Variants in DLGAP2 observed in about 807,000 individuals in gnomAD.
DLGAP2 encodes the protein DLG associated protein 2.
DLGAP2 carries 26 observed loss-of-function variants against 100.3 expected under a neutral mutation model. That is an observed-to-expected ratio of 0.26 (90% CI 0.19 to 0.36). The LOEUF (loss-of-function observed/expected upper bound fraction) is 0.36. Among genes scored for constraint, DLGAP2 ranks in the 10% least tolerant of loss-of-function variants. DLGAP2 has a pLI of 1.00. For missense variants in DLGAP2, 1,858 were observed against 1,453.2 expected, an observed-to-expected ratio of 1.28 and a Z score of -4.53; for synonymous variants, 886 against 630.1, an observed-to-expected ratio of 1.41 and a Z score of -6.08.
At position 1,004,908 on chromosome 8, in the gene DLGAP2, G is replaced by T. The variant is rs561594681; in HGVS notation, c.73+96942G>T. Among the ~76,000 whole-genome samples the T allele has an allele frequency of 2.0e-5, 3 of 152,322 alleles. No homozygotes were observed. In the South Asian group the frequency reaches 6.2e-4, roughly 32 times the overall value. ...TGCAGTGGGCAGAACTCAGGCAGGA[G>T]GGGGCTGCTGTCCGGCACCATGCAG... On this transcript the variant is annotated intron_variant, in intron 2 of 14. Transcript: ENST00000637795.
intron 2 of DLGAP2, among the ~76,000 whole-genome samples, chr8:1,194,460 C>T (rs185264606): frequency 3.8e-4 from 58 of 152,232 alleles, no homozygotes; most frequent in African/African-American, 1.3e-3. Flanking sequence ...GTGGGGAGGA[C>T]GGCAGAGCTT....
intron 3 of DLGAP2, among the ~76,000 whole-genome samples, chr8:1,374,079 G>C (rs1453134071): frequency 6.6e-6 from 1 of 151,758 alleles, no homozygotes; most frequent in Admixed American, 6.6e-5. Context: ...CGGCTGTGTG[G>C]TGGAGGTTAG....
At chr8:986,327 T>A (rs6981034) in intron 2 of DLGAP2, among the ~76,000 whole-genome samples, 10 of 151,944 alleles carry the variant, frequency 6.6e-5, no homozygotes, top group Middle Eastern at 3.4e-3. Context: ...TTTCTTTTTT[T>A]AAAAAATTTC....
chr8:1,163,803 C>T (rs1397428172), intron 2 of DLGAP2, among the ~76,000 whole-genome samples: 2 of 152,204 alleles, frequency 1.3e-5, no homozygotes, highest in South Asian at 2.1e-4. Context: ...GGTGAGGAAG[C>T]AGCTGCCCGC....
rs1799702286 is a variant in DLGAP2 at position 1,706,280 on chromosome 8, A to T, written c.*4874A>T. On this transcript the variant is annotated 3_prime_UTR_variant, in exon 15 of 15. Coordinates refer to ENST00000637795, the MANE Select transcript of DLGAP2 (RefSeq NM_001346810.2). ...TATGTCTCAGTTTTTTTCCTCTAGA[A>T]AGGGGATTACAGTTCCTGTCCCTGT... The T allele has an allele frequency of 6.6e-6, 1 of 152,218 alleles. No individual in the cohort carries two copies. Among genetic ancestry groups the T allele is most frequent in the Non-Finnish European group, 1.5e-5 (1 of 68,046 alleles). The allele number at this position is 152,218 out of a possible 1,614,324, so 9.4% of individuals were successfully genotyped here. A position where few individuals can be genotyped will look rare whatever the true frequency, so the allele number is the denominator to read the frequency against.
At chr8:1,149,692 A>G (rs1261815394) in intron 2 of DLGAP2, among the ~76,000 whole-genome samples, 2 of 152,186 alleles carry the variant, frequency 1.3e-5, no homozygotes, top group African/African-American at 2.4e-5. Context: ...TTCATCTGCC[A>G]TCTTACTATT....
chr8:1,137,422 T>A lies in DLGAP2; in HGVS notation c.74-121429T>A, dbSNP rs141335868. ...CCCCGAGCTGATGTCCCGCTATCGG[T>A]GCGGCTGCAGGACACTGTCCCATTG... On this transcript the variant is annotated intron_variant, in intron 2 of 14. Coordinates refer to ENST00000637795, the MANE Select transcript of DLGAP2 (RefSeq NM_001346810.2). 621 of 152,716 alleles carry A rather than the reference T, an allele frequency of 4.1e-3. 2 individuals carry two copies. Among genetic ancestry groups the A allele is most frequent in the South Asian group, 6.2e-3 (30 of 4,826 alleles). The allele number at this position is 152,716 out of a possible 1,614,324, so 9.5% of individuals were successfully genotyped here. A position where few individuals can be genotyped will look rare whatever the true frequency, so the allele number is the denominator to read the frequency against.
intron 6 of DLGAP2, among the ~76,000 whole-genome samples, chr8:1,592,098 C>G (rs1017666250): frequency 4.6e-5 from 7 of 152,174 alleles, no homozygotes; most frequent in Admixed American, 4.6e-4. Flanking sequence ...GGCCCAGACA[C>G]ACAAACAGCT....
At chr8:1,154,259 T>C (rs1477986839) in intron 2 of DLGAP2, among the ~76,000 whole-genome samples, 7 of 152,176 alleles carry the variant, frequency 4.6e-5, no homozygotes, top group African/African-American at 1.7e-4. Context: ...CAAATGACAC[T>C]AATGTCAGGT....
chr8:902,229 T>C (rs1012535605), intron 1 of DLGAP2, among the ~76,000 whole-genome samples: 2 of 152,136 alleles, frequency 1.3e-5, no homozygotes, highest in African/African-American at 4.8e-5. Flanking sequence ...CCTCTCGGGC[T>C]CTGATCATTC....
intron 1 of DLGAP2, among the ~76,000 whole-genome samples, chr8:830,319 T>A (rs1459723114): frequency 6.6e-6 from 1 of 152,188 alleles, no homozygotes; most frequent in Non-Finnish European, 1.5e-5. Flanking sequence ...AATTATACCC[T>A]TTTAGATATT....
intron 3 of DLGAP2, among the ~76,000 whole-genome samples, chr8:1,451,175 C>T (rs1798149095): frequency 6.6e-6 from 1 of 152,140 alleles, no homozygotes; most frequent in East Asian, 1.9e-4. Flanking sequence ...GCCAGTGCTG[C>T]TGCATGCAGG....
At chr8:963,958 A>T (rs1271101825) in intron 2 of DLGAP2, among the ~76,000 whole-genome samples, 7 of 152,310 alleles carry the variant, frequency 4.6e-5, no homozygotes, top group African/African-American at 1.7e-4. Flanking sequence ...TCCTCTAGAG[A>T]TCACTTATTA....
chr8:1,594,469 C>G (rs1322559049), intron 6 of DLGAP2, among the ~76,000 whole-genome samples: 2 of 152,068 alleles, frequency 1.3e-5, no homozygotes, highest in African/African-American at 2.4e-5. Flanking sequence ...TGGAAAGATT[C>G]AACAACAGAC....
intron 6 of DLGAP2, among the ~76,000 whole-genome samples, chr8:1,601,904 G>A (rs1796636968): frequency 2.6e-5 from 4 of 151,568 alleles, no homozygotes. Flanking sequence ...ATCTGAGGTA[G>A]CTATGTAGTC....
At chr8:1,525,520 G>A (rs1196384064) in intron 4 of DLGAP2, among the ~76,000 whole-genome samples, 1 of 152,198 alleles carries the variant, frequency 6.6e-6, no homozygotes, top group South Asian at 2.1e-4. Context: ...CAAAGCTGCG[G>A]TCCTCAGAAA....
intron 2 of DLGAP2, among the ~76,000 whole-genome samples, chr8:1,061,716 G>A (rs1459060382): frequency 6.6e-6 from 1 of 151,902 alleles, no homozygotes; most frequent in Non-Finnish European, 1.5e-5. Flanking sequence ...GAATCAGCGA[G>A]CTCCACACTG....
intron 3 of DLGAP2, among the ~76,000 whole-genome samples, chr8:1,413,621 G>T (rs573900320): frequency 2.6e-5 from 4 of 152,340 alleles, no homozygotes; most frequent in African/African-American, 9.6e-5. Context: ...TTCTCTGGAT[G>T]GAGGAATAAT....
chr8:1,172,728 G>A lies in DLGAP2; in HGVS notation c.74-86123G>A, dbSNP rs916077737. Reference sequence around the variant, plus strand: ...CATAGTTCCCGAGCCTTGGCTTTCAGCTCCATCAGCTCCTTTAAGCACTTC... The same window carrying A: ...CATAGTTCCCGAGCCTTGGCTTTCAACTCCATCAGCTCCTTTAAGCACTTC... On this transcript the variant is annotated intron_variant, in intron 2 of 14. Transcript: ENST00000637795. Among the ~76,000 whole-genome samples, 5 of 152,240 alleles carry A rather than the reference G, an allele frequency of 3.3e-5. No individual in the cohort carries two copies. The South Asian group carries it at 6.2e-4, about 19-fold the overall frequency.
Sources: gnomAD v4.1 joint callset for allele counts (sites outside exome capture counted in the v4.1 genomes callset) on GRCh38, gnomAD v4.1.1 for gene constraint, MANE v1.5 for transcripts, NCBI Gene and HGNC (gene_info 2026-07-23, HGNC 2026-07-21) for gene names.